The following WDR25 variants were observed in gnomAD, a reference collection of about 807,000 sequenced individuals.
WDR25 encodes WD repeat-containing protein 25.
WDR25 carries 35 observed loss-of-function variants against 47.7 expected under a neutral mutation model. The ratio of observed to expected loss-of-function variants is 0.73; its 90% CI spans 0.56 to 0.97. The LOEUF is 0.97. Among genes scored for constraint, WDR25 ranks in the 50% least tolerant of loss-of-function variants. The probability of loss-of-function intolerance (pLI) is 0.00; values close to 1 mark genes in which losing one functional copy is unlikely to be tolerated. For synonymous variants in WDR25, 248 were observed against 278.9 expected (o/e 0.89, Z 1.10); for missense variants, 634 against 704.7 (o/e 0.90, Z 1.14).
At chr14:100,436,257 C>T (rs1327386859) in intron 2 of WDR25, among the ~76,000 whole-genome samples, 1 of 152,124 alleles carries the variant, frequency 6.6e-6, no homozygotes, top group African/African-American at 2.4e-5. Flanking sequence ...ATGGAGGGTC[C>T]CACAAGCAGT....
intron 4 of WDR25, among the ~76,000 whole-genome samples, chr14:100,493,748 C>T (rs1294415507): frequency 6.6e-6 from 1 of 152,142 alleles, no homozygotes; most frequent in Non-Finnish European, 1.5e-5. Flanking sequence ...TTGTGTCCTC[C>T]CCAAAATTCA....
At chr14:100,400,908 T>G (rs1279055959) in intron 2 of WDR25, among the ~76,000 whole-genome samples, 2 of 152,206 alleles carry the variant, frequency 1.3e-5, no homozygotes, top group Non-Finnish European at 2.9e-5. Context: ...TCTAGGAGTG[T>G]TTTTGTTATT....
intron 4 of WDR25, among the ~76,000 whole-genome samples, chr14:100,513,716 C>A (rs1453418814): frequency 6.7e-6 from 1 of 148,436 alleles, no homozygotes; most frequent in Non-Finnish European, 1.5e-5. Context: ...TTTTTTGAAA[C>A]AGAGTCTCAC....
At chr14:100,481,007 A>G (rs1282757879) in intron 3 of WDR25, 1 of 437,572 alleles carries the variant, frequency 2.3e-6, no homozygotes, top group Non-Finnish European at 4.6e-6. Context: ...GCCCAAGAGG[A>G]GACTGGTGCA....
intron 2 of WDR25, among the ~76,000 whole-genome samples, chr14:100,438,761 A>G (rs564383439): frequency 2.6e-5 from 4 of 152,182 alleles, no homozygotes; most frequent in Non-Finnish European, 5.9e-5. Flanking sequence ...ATTTCATTGA[A>G]TCTTGTTTAG....
At chr14:100,520,776 G>A (rs2029869228) in intron 4 of WDR25, among the ~76,000 whole-genome samples, 1 of 152,162 alleles carries the variant, frequency 6.6e-6, no homozygotes, top group South Asian at 2.1e-4. Flanking sequence ...GCTCGTATGT[G>A]TCAGGCATTT....
chr14:100,408,326 T>C (rs1180404898), intron 2 of WDR25, among the ~76,000 whole-genome samples: 1 of 152,202 alleles, frequency 6.6e-6, no homozygotes, highest in Non-Finnish European at 1.5e-5. Flanking sequence ...AGTATCAATG[T>C]AATTACAATT....
At position 100,530,255 on chromosome 14, in the gene WDR25, C is replaced by T. The variant is rs1020941059; in HGVS notation, c.*214C>T. The T allele has an allele frequency of 1.4e-5, 8 of 568,512 alleles. No homozygotes were observed. The highest frequency in any genetic ancestry group is 4.1e-4 in the Middle Eastern group (1 of 2,428). The allele number at this position is 568,512 out of a possible 1,614,324, so 35.2% of individuals were successfully genotyped here. A position where few individuals can be genotyped will look rare whatever the true frequency, so the allele number is the denominator to read the frequency against. On this transcript the variant is annotated 3_prime_UTR_variant, in exon 7 of 7. Coordinates refer to ENST00000402312, the MANE Select transcript of WDR25 (RefSeq NM_001161476.3). ...GTGAAAGCGCCTGGCGGGCAGCCGG[C>T]GATGCCCAATAAATGTGTGTTTTGC...
intron 2 of WDR25, among the ~76,000 whole-genome samples, chr14:100,438,607 T>C (rs532968478): frequency 2.0e-4 from 30 of 152,286 alleles, no homozygotes; most frequent in African/African-American, 7.2e-4. Flanking sequence ...CAGAGGAGGT[T>C]TTGCCCCATG....
chr14:100,491,931 A>G (rs116695928), intron 4 of WDR25, among the ~76,000 whole-genome samples: 1,723 of 152,322 alleles, frequency 0.011, 25 homozygotes, highest in African/African-American at 0.04. Flanking sequence ...ACTGGTTCTG[A>G]AAGGTTCAGC....
intron 2 of WDR25, among the ~76,000 whole-genome samples, chr14:100,427,734 T>C (rs750244025): frequency 9.2e-5 from 14 of 152,354 alleles, no homozygotes; most frequent in Admixed American, 2.6e-4. Flanking sequence ...GTCTGGGCTG[T>C]GAGAGAAATA....
rs1044705199 is a variant in WDR25 at position 100,433,093 on chromosome 14, A to G, written c.823-34928A>G. On this transcript the variant is annotated intron_variant, in intron 2 of 6. Coordinates refer to ENST00000402312, the MANE Select transcript of WDR25 (RefSeq NM_001161476.3). Reference sequence around the variant, plus strand: ...TGACTGAAATGTTGTTATGCAGCACATGACTGTATTATCTACTGTACATAC... The same window carrying G: ...TGACTGAAATGTTGTTATGCAGCACGTGACTGTATTATCTACTGTACATAC... Among the ~76,000 whole-genome samples the G allele has an allele frequency of 2.6e-5, 4 of 152,390 alleles. No homozygotes were observed. The South Asian group carries it at 8.3e-4, about 32-fold the overall frequency.
At chr14:100,418,381 C>T (rs551693850) in intron 2 of WDR25, among the ~76,000 whole-genome samples, 2 of 151,908 alleles carry the variant, frequency 1.3e-5, no homozygotes, top group South Asian at 4.2e-4. Flanking sequence ...TGCCTGTAAT[C>T]CCAGCACTTT....
chr14:100,483,184 T>G (rs1053728406), intron 3 of WDR25, among the ~76,000 whole-genome samples: 1 of 152,178 alleles, frequency 6.6e-6, no homozygotes, highest in African/African-American at 2.4e-5. Flanking sequence ...AGGACCAGCT[T>G]TGACCTGCTC....
chr14:100,422,659 G>A lies in WDR25; in HGVS notation c.822+40913G>A, dbSNP rs531430427. 2.4e-4 allele frequency among the ~76,000 whole-genome samples: 37 copies of A among 152,306 alleles called. 1 individual carries two copies. The highest frequency in any genetic ancestry group is 8.9e-4 in the African/African-American group (37 of 41,566). On this transcript the variant is annotated intron_variant, in intron 2 of 6. Transcript: ENST00000402312. ...ACATGTTGCCAGCTTCCCCTCCTGA[G>A]TATTTGTTCCGTGGACGCCCACCAG...
chr14:100,406,401 C>A (rs939408035), intron 2 of WDR25, among the ~76,000 whole-genome samples: 2 of 152,208 alleles, frequency 1.3e-5, no homozygotes, highest in African/African-American at 4.8e-5. Flanking sequence ...TTCACACGGA[C>A]AGCCTCAGTT....
In WDR25 at chr14:100,506,090, A is replaced by C. The variant is rs1901101220; in HGVS notation, c.1102-19780A>C. The stretch of plus-strand genomic sequence containing the variant: ...TCCCTCCCTCCACCCTCTAGACCAC[A>C]GTGTCTATTGTGCCATCTTTATTTC... On this transcript the variant is annotated intron_variant, in intron 4 of 6. Transcript: ENST00000402312. The surrounding 1 kb of genome is among the most constrained non-coding windows in gnomAD (Gnocchi z 4.8). Among the ~76,000 whole-genome samples the C allele has an allele frequency of 6.6e-6, 1 of 152,122 alleles. No individual in the cohort carries two copies. The highest frequency in any genetic ancestry group is 1.5e-5 in the Non-Finnish European group (1 of 68,012).
chr14:100,473,842 C>G (rs754471667), intron 3 of WDR25, among the ~76,000 whole-genome samples: 1 of 152,226 alleles, frequency 6.6e-6, no homozygotes, highest in East Asian at 1.9e-4. Context: ...CTTTGGCTTT[C>G]TGGCACTGTG....
chr14:100,523,448 C>A lies in WDR25; in HGVS notation c.1102-2422C>A, dbSNP rs1236216048. ...GGGATAGCTGGGTGCATCCGCCAGT[C>A]CTTCTTCTTTCTGAGGACCAGGAGT... On this transcript the variant is annotated intron_variant, in intron 4 of 6. Transcript: ENST00000402312. This position sits in a 1 kb window ranked among gnomAD's most constrained non-coding sequence, Gnocchi z 4.7. Among the ~76,000 whole-genome samples, 2 of 152,182 alleles carry A rather than the reference C, an allele frequency of 1.3e-5. No homozygotes were observed. The highest frequency in any genetic ancestry group is 4.1e-4 in the South Asian group (2 of 4,830).
Sources: gnomAD v4.1 joint callset for allele counts (sites outside exome capture counted in the v4.1 genomes callset) on GRCh38, gnomAD v4.1.1 for gene constraint, Gnocchi (gnomAD v3.1) non-coding constraint, MANE v1.5 for transcripts, NCBI Gene and HGNC (gene_info 2026-07-23, HGNC 2026-07-21) for gene names.